NAV2: variants seen among roughly 807,000 people sequenced by gnomAD.
The protein encoded by NAV2 is helicase, APC down-regulated 1.
A neutral mutation model predicts 223.2 loss-of-function variants in NAV2; 54 were observed. That is an observed-to-expected ratio of 0.24 (90% CI 0.19 to 0.30). The LOEUF (loss-of-function observed/expected upper bound fraction) is 0.30. Ranked by LOEUF, NAV2 falls within the 10% of genes least tolerant of loss-of-function variation. NAV2 has a pLI of 1.00. For synonymous variants in NAV2, 1,279 were observed against 1,239.3 expected, an observed-to-expected ratio of 1.03 and a Z score of -0.67; for missense variants, 2,806 against 3,147.5, an observed-to-expected ratio of 0.89 and a Z score of 2.60.
rs560114191 is a variant in NAV2, at chr11:19,534,199, G to C, written c.75+183172G>C. Among the ~76,000 whole-genome samples the C allele has an allele frequency of 3.5e-4, 54 of 152,222 alleles. 1 individual carries two copies. The highest frequency in any genetic ancestry group is 1.2e-3 in the African/African-American group (51 of 41,530). On this transcript the variant is annotated intron_variant, in intron 1 of 37. Coordinates refer to the NAV2 transcript ENST00000360655. ...TCTGCTTAGTGCCTGCAGAGTGTTGGCCAACCCCTGGTAGCATCGTGTTTA... is the reference window on the plus strand; with the variant it reads ...TCTGCTTAGTGCCTGCAGAGTGTTGCCCAACCCCTGGTAGCATCGTGTTTA...
chr11:19,838,909 C>T (rs2060372851), intron 2 of NAV2, among the ~76,000 whole-genome samples: 1 of 152,206 alleles, frequency 6.6e-6, no homozygotes, highest in African/African-American at 2.4e-5. Context: ...TAGGTGTGAG[C>T]CACATGCCTG....
chr11:19,540,396 T>A (rs7949232), intron 1 of NAV2, among the ~76,000 whole-genome samples: 1 of 152,146 alleles, frequency 6.6e-6, no homozygotes, highest in African/African-American at 2.4e-5. Flanking sequence ...ACTTACTATT[T>A]CCTAGGCACT....
intron 1 of NAV2, among the ~76,000 whole-genome samples, chr11:19,575,776 G>C (rs1390747268): frequency 6.6e-6 from 1 of 152,224 alleles, no homozygotes; most frequent in African/African-American, 2.4e-5. Flanking sequence ...CATCTCTGCA[G>C]CTACAGGACC....
intron 1 of NAV2, among the ~76,000 whole-genome samples, chr11:19,663,815 T>C (rs2048347022): frequency 6.6e-6 from 1 of 152,222 alleles, no homozygotes; most frequent in Non-Finnish European, 1.5e-5. Context: ...GAGCCTCACA[T>C]ACAATAACAT....
chr11:19,460,322 C>A (rs1033610350), intron 1 of NAV2, among the ~76,000 whole-genome samples: 2 of 152,072 alleles, frequency 1.3e-5, no homozygotes, highest in African/African-American at 2.4e-5. Context: ...TCTTATTTAC[C>A]AGTTCTGTGA....
intron 1 of NAV2, among the ~76,000 whole-genome samples, chr11:19,813,328 C>A (rs2058935422): frequency 6.6e-6 from 1 of 152,206 alleles, no homozygotes; most frequent in African/African-American, 2.4e-5. Context: ...CTGCCTGGTT[C>A]AAGTGAAGTT....
Position 19,954,239 on chromosome 11 carries a change from A to C in NAV2, c.2645+5159A>C, listed in dbSNP as rs61156894. On this transcript the variant is annotated intron_variant, in intron 10 of 37. Transcript: ENST00000349880. ...TGAGAATGAGGCTGATCAATAGCCT[A>C]GTGTAGAGAGAAAACAGGATGTAAG... Among the ~76,000 whole-genome samples the C allele has an allele frequency of 8.0e-4, 122 of 152,298 alleles. No individual in the cohort carries two copies. The East Asian group carries it at 0.014, about 18-fold the overall frequency.
At chr11:19,479,021 G>A (rs984486345) in intron 1 of NAV2, among the ~76,000 whole-genome samples, 3 of 152,110 alleles carry the variant, frequency 2.0e-5, no homozygotes, top group African/African-American at 7.2e-5. Context: ...ACAGAGGTGG[G>A]GTAGATATTT....
At chr11:19,792,101 C>T (rs1322677659) in intron 1 of NAV2, among the ~76,000 whole-genome samples, 1 of 152,154 alleles carries the variant, frequency 6.6e-6, no homozygotes, top group East Asian at 1.9e-4. Flanking sequence ...ACATGCATGG[C>T]AATTTATATA....
Position 20,035,879 on chromosome 11 carries a change from G to T in NAV2, c.2769-80G>T. The T allele has an allele frequency of 4.5e-6, 7 of 1,546,628 alleles. 1 individual carries two copies. In the South Asian group the frequency reaches 8.2e-5, roughly 18 times the overall value. On this transcript the variant is annotated intron_variant, in intron 11 of 37. Transcript: ENST00000349880. ...CACAGATTGGATCTTTTCGGGGATG[G>T]TGTTTGTCTGTCTGTGTCATCAGCC...
intron 1 of NAV2, among the ~76,000 whole-genome samples, chr11:19,457,579 T>G (rs1252922870): frequency 6.6e-6 from 1 of 152,156 alleles, no homozygotes; most frequent in Non-Finnish European, 1.5e-5. Flanking sequence ...TTGAGAGAGT[T>G]AAGCAGGAAT....
chr11:19,892,866 A>G (rs553609841), intron 6 of NAV2, among the ~76,000 whole-genome samples: 1 of 152,212 alleles, frequency 6.6e-6, no homozygotes, highest in Non-Finnish European at 1.5e-5. Context: ...GCAATATAGC[A>G]TTTGGAATTT....
chr11:20,062,650 G>A (rs941648367), intron 20 of NAV2, among the ~76,000 whole-genome samples: 1 of 152,090 alleles, frequency 6.6e-6, no homozygotes, highest in Non-Finnish European at 1.5e-5. Context: ...GAAAATAAAG[G>A]CCTTGAGCAA....
At chr11:19,829,807 C>T (rs1175468398) in intron 1 of NAV2, among the ~76,000 whole-genome samples, 2 of 152,210 alleles carry the variant, frequency 1.3e-5, no homozygotes, top group African/African-American at 2.4e-5. Flanking sequence ...TTCACATCGA[C>T]CTTCTGAAGC....
chr11:19,896,681 T>G (rs1299916873), intron 6 of NAV2, among the ~76,000 whole-genome samples: 2 of 152,214 alleles, frequency 1.3e-5, no homozygotes, highest in Admixed American at 6.5e-5. Context: ...TCGGAGGAAT[T>G]GTTCTAATGA....
At chr11:19,411,844 G>C (rs1850159877) in intron 1 of NAV2, among the ~76,000 whole-genome samples, 2 of 152,068 alleles carry the variant, frequency 1.3e-5, no homozygotes, top group Admixed American at 1.3e-4. Context: ...GCTGCACTGG[G>C]GAGTAAATGT....
At chr11:19,967,496 A>G (rs975521678) in intron 10 of NAV2, among the ~76,000 whole-genome samples, 2 of 152,166 alleles carry the variant, frequency 1.3e-5, no homozygotes, top group African/African-American at 4.8e-5. Flanking sequence ...TTGGCATGGA[A>G]AGTACTTAGA....
At chr11:19,730,810 C>G (rs2051705379) in intron 1 of NAV2, among the ~76,000 whole-genome samples, 1 of 143,990 alleles carries the variant, frequency 6.9e-6, no homozygotes, top group Admixed American at 6.7e-5. Context: ...TTCTTTTCAG[C>G]CTGATTGGAT....
chr11:19,467,950 C>T lies in NAV2; in HGVS notation c.75+116923C>T, dbSNP rs114673969. ...CATGAGGCTCAGAGAAGGGAGAGGCCACATGGGTGAGAATCAACAGCGAGT... is the reference window on the plus strand; with the variant it reads ...CATGAGGCTCAGAGAAGGGAGAGGCTACATGGGTGAGAATCAACAGCGAGT... On this transcript the variant is annotated intron_variant, in intron 1 of 37. Coordinates refer to the NAV2 transcript ENST00000360655. Among the ~76,000 whole-genome samples the T allele has an allele frequency of 8.9e-3, 1,355 of 152,266 alleles. 19 individuals are homozygous for T. Among genetic ancestry groups the T allele is most frequent in the African/African-American group, 0.031 (1,272 of 41,530 alleles).
Sources: gnomAD v4.1 joint callset for allele counts (sites outside exome capture counted in the v4.1 genomes callset) on GRCh38, gnomAD v4.1.1 for gene constraint, MANE v1.5 for transcripts, NCBI Gene and HGNC (gene_info 2026-07-23, HGNC 2026-07-21) for gene names.